TP53BP1: variants seen among roughly 807,000 people sequenced by gnomAD.
The protein encoded by TP53BP1 is tumor protein p53 binding protein 1.
A neutral mutation model predicts 200.8 loss-of-function variants in TP53BP1; 61 were observed. That is an observed-to-expected ratio of 0.30 (90% CI 0.25 to 0.38). The LOEUF (loss-of-function observed/expected upper bound fraction) is 0.38, where lower values mean the gene tolerates loss of function less well. Among genes scored for constraint, TP53BP1 ranks in the 10% least tolerant of loss-of-function variants. The pLI, the probability that TP53BP1 is intolerant of heterozygous loss-of-function variation, is 1.00. For synonymous variants in TP53BP1, 822 were observed against 844.3 expected (o/e 0.97, Z 0.46); for missense variants, 2,144 against 2,371.9 (o/e 0.90, Z 2.00).
At chr15:43,442,501 CT>C (rs200228810) in intron 14 of TP53BP1, among the ~76,000 whole-genome samples, 215 of 142,160 alleles carry the variant, frequency 1.5e-3, no homozygotes, top group Middle Eastern at 3.7e-3. Context: ...CAATGAGTAA[CT>C]TTTTTTTTTT....
chr15:43,404,074 C>T lies in TP53BP1; in HGVS notation c.*3309G>A, dbSNP rs1051594526. Reference sequence around the variant, plus strand: ...TTCTAACTTCCTCACATCCTCCCCCCTCCTTACTTCCTTGAACTAACCCCC... The same window carrying T: ...TTCTAACTTCCTCACATCCTCCCCCTTCCTTACTTCCTTGAACTAACCCCC... On this transcript the variant is annotated 3_prime_UTR_variant, in exon 28 of 28. Transcript: ENST00000382044. The T allele has an allele frequency of 9.5e-6, 5 of 524,448 alleles. No individual in the cohort carries two copies. The highest frequency in any genetic ancestry group is 5.0e-4 in the Middle Eastern group (1 of 2,016). The allele number at this position is 524,448 out of a possible 1,614,324, so 32.5% of individuals were successfully genotyped here.
chr15:43,438,756 A>AAAAAAAG (rs2045859164), intron 15 of TP53BP1, among the ~76,000 whole-genome samples: 2 of 140,390 alleles, frequency 1.4e-5, no homozygotes, highest in African/African-American at 5.3e-5. Flanking sequence ...AAAAAAAAAA[A>AAAAAAAG]GACTGGAGGG....
intron 17 of TP53BP1, 90 bp downstream of exon 17, chr15:43,432,104 T>C: frequency 6.6e-7 from 1 of 1,509,624 alleles, no homozygotes; most frequent in Non-Finnish European, 8.9e-7. Flanking sequence ...TCAAGAATTG[T>C]CATTAGGCAG....
chr15:43,499,830 G>T (rs1256576224), intron 1 of TP53BP1, among the ~76,000 whole-genome samples: 1 of 152,184 alleles, frequency 6.6e-6, no homozygotes, highest in Non-Finnish European at 1.5e-5. Context: ...GTATAAGGAT[G>T]AGTAATATCT....
At chr15:43,458,625 T>A (rs1164000174) in intron 11 of TP53BP1, among the ~76,000 whole-genome samples, 3 of 149,636 alleles carry the variant, frequency 2.0e-5, no homozygotes, top group African/African-American at 7.4e-5. Flanking sequence ...ACAGAAACTT[T>A]AAAAATTAGC....
At chr15:43,419,964 A>G (rs1211674980) in intron 21 of TP53BP1, among the ~76,000 whole-genome samples, 1 of 152,228 alleles carries the variant, frequency 6.6e-6, no homozygotes, top group East Asian at 1.9e-4. Flanking sequence ...TAATACACCA[A>G]GGTTGGATTT....
intron 16 of TP53BP1, among the ~76,000 whole-genome samples, chr15:43,436,857 A>T (rs894967095): frequency 5.9e-5 from 9 of 151,948 alleles, no homozygotes; most frequent in Non-Finnish European, 8.8e-5. Flanking sequence ...GTTCTAAGAG[A>T]TTATGGAGTA....
intron 1 of TP53BP1, among the ~76,000 whole-genome samples, chr15:43,502,423 T>G (rs1268629204): frequency 6.6e-6 from 1 of 152,152 alleles, no homozygotes; most frequent in African/African-American, 2.4e-5. Context: ...TCACTAACAT[T>G]TGGTTTGTCA....
chr15:43,491,779 A>C (rs1477956723), intron 3 of TP53BP1, 26 bp from the exon 4 acceptor site: 1 of 1,569,624 alleles, frequency 6.4e-7, no homozygotes, highest in Non-Finnish European at 8.8e-7. Flanking sequence ...GGATATTAGC[A>C]TGAAAGACAT....
At chr15:43,415,931 C>A in intron 22 of TP53BP1, 122 bp from the exon 23 acceptor site, 1 of 833,148 alleles carries the variant, frequency 1.2e-6, no homozygotes, top group Non-Finnish European at 1.9e-6. Flanking sequence ...CCCATGAGGC[C>A]AAGAAGCTTC....
At chr15:43,442,109 A>G (rs1370346903) in intron 14 of TP53BP1, among the ~76,000 whole-genome samples, 1 of 139,690 alleles carries the variant, frequency 7.2e-6, no homozygotes, top group Non-Finnish European at 1.5e-5. Context: ...TTTTTGAGAC[A>G]GAGTCTCACT....
At chr15:43,465,473 A>G (rs921637648) in intron 11 of TP53BP1, among the ~76,000 whole-genome samples, 1 of 152,126 alleles carries the variant, frequency 6.6e-6, no homozygotes, top group African/African-American at 2.4e-5. Context: ...GAGATGATCA[A>G]AAGTAGGAGG....
At chr15:43,435,712 A>G (rs1220172424) in intron 16 of TP53BP1, among the ~76,000 whole-genome samples, 1 of 151,164 alleles carries the variant, frequency 6.6e-6, no homozygotes, top group Non-Finnish European at 1.5e-5. Flanking sequence ...TTTTTAATGG[A>G]TAAGACATAA....
At chr15:43,471,727 C>G (rs2046730583) in intron 10 of TP53BP1, among the ~76,000 whole-genome samples, 3 of 152,224 alleles carry the variant, frequency 2.0e-5, no homozygotes, top group Admixed American at 1.3e-4. Flanking sequence ...CGTGCCCAGC[C>G]TGAGAAAGTA....
intron 17 of TP53BP1, among the ~76,000 whole-genome samples, chr15:43,430,610 C>CA (rs1053630304): frequency 3.9e-5 from 6 of 152,122 alleles, no homozygotes; most frequent in Admixed American, 2.6e-4. Flanking sequence ...TCTACCACAG[C>CA]AACTGAAAAA....
intron 4 of TP53BP1, among the ~76,000 whole-genome samples, chr15:43,482,681 T>G: frequency 6.6e-6 from 1 of 152,082 alleles, no homozygotes; most frequent in Non-Finnish European, 1.5e-5. Flanking sequence ...GGCAGGAGAA[T>G]TGCTTGAACC....
intron 2 of TP53BP1, 47 bp downstream of exon 2, chr15:43,492,237 T>A (rs572216791): frequency 1.1e-3 from 1,509 of 1,313,338 alleles, no homozygotes; most frequent in Admixed American, 2.6e-3. Flanking sequence ...GTTTTCGGTT[T>A]AAAAAAAAAA....
intron 11 of TP53BP1, among the ~76,000 whole-genome samples, chr15:43,458,597 T>C (rs1005827740): frequency 4.0e-5 from 6 of 151,876 alleles, no homozygotes; most frequent in Non-Finnish European, 8.8e-5. Context: ...CTGGACAACA[T>C]GGCTACACCC....
chr15:43,432,292 T>G lies in TP53BP1; in HGVS notation c.3577A>C (p.Asn1193His). Residue 1193 changes from asparagine to histidine, a missense_variant, in exon 17 of 28, where the codon AAC becomes CAC. By Grantham distance (68) the Asn-to-His change is moderately conservative (BLOSUM62 1). Around this residue, in one of 4 missense-constraint regions of TP53BP1, gnomAD observed 1,700 missense variants for 1,710.3 expected, o/e 0.99. Coordinates refer to ENST00000382044, the MANE Select transcript of TP53BP1 (RefSeq NM_001141980.3). The stretch of plus-strand genomic sequence containing the variant: ...ACTGTGGCATCTTGCTTTCCAAAGT[T>G]CTGGTCCACTGTACTGGTCCCCTGC... The part of the protein sequence containing the change: ...CEQGTSTVDQ[N>H]FGKQDATVQT... 1 of 1,614,228 alleles carries G rather than the reference T, an allele frequency of 6.2e-7. No homozygotes were observed. Among genetic ancestry groups the G allele is most frequent in the Non-Finnish European group, 8.5e-7 (1 of 1,180,030 alleles).
Sources: gnomAD v4.1 joint callset for allele counts (sites outside exome capture counted in the v4.1 genomes callset) on GRCh38, gnomAD v4.1.1 for gene constraint, gnomAD v4.1.1 regional missense constraint, MANE v1.5 for transcripts, NCBI Gene and HGNC (gene_info 2026-07-23, HGNC 2026-07-21) for gene names.